RBP2: variants seen among roughly 807,000 people sequenced by gnomAD.
The protein encoded by RBP2 is retinol-binding protein 2.
Under a neutral mutation model 17.0 loss-of-function variants are expected in RBP2, and 17 were observed. The ratio of observed to expected loss-of-function variants is 1.00; its 90% confidence interval spans 0.68 to 1.50. RBP2 has a LOEUF of 1.50. RBP2 is among the 40% of genes most tolerant of loss of function. RBP2 has a pLI of 0.00. For missense variants in RBP2, 158 were observed against 168.2 expected (o/e 0.94, Z 0.33); for synonymous variants, 48 against 57.1 (o/e 0.84, Z 0.72).
intron 1 of RBP2, among the ~76,000 whole-genome samples, chr3:139,474,844 A>G (rs1376393095): frequency 6.6e-6 from 1 of 152,284 alleles, no homozygotes; most frequent in East Asian, 1.9e-4. Context: ...ACCCATGTGT[A>G]GTATCAGAAT....
intron 1 of RBP2, among the ~76,000 whole-genome samples, chr3:139,472,475 G>A (rs1188041166): frequency 2.6e-5 from 4 of 152,150 alleles, no homozygotes; most frequent in Non-Finnish European, 4.4e-5. Context: ...CTGAAGCTGG[G>A]TCATAAAAGG....
At chr3:139,459,098 A>G (rs1394366413) in intron 2 of RBP2, among the ~76,000 whole-genome samples, 4 of 152,066 alleles carry the variant, frequency 2.6e-5, no homozygotes, top group Non-Finnish European at 4.4e-5. Context: ...CCGAGTGGGG[A>G]GATTTCCAGA....
chr3:139,475,932 G>C lies in RBP2; in HGVS notation c.73+455C>G, dbSNP rs999470303. On this transcript the variant is annotated intron_variant, in intron 1 of 3. Transcript: ENST00000232217. ...CTTCCATGAGCTTGATTTTCCCTAG[G>C]CTGAGAGATTTGCTAGCTATTTCTT... 2.6e-5 allele frequency among the ~76,000 whole-genome samples: 4 copies of C among 152,152 alleles called. No homozygotes were observed. In the East Asian group the frequency reaches 7.7e-4, roughly 29 times the overall value.
At chr3:139,460,447 G>A (rs1933148217) in intron 2 of RBP2, among the ~76,000 whole-genome samples, 1 of 152,186 alleles carries the variant, frequency 6.6e-6, no homozygotes, top group South Asian at 2.1e-4. Flanking sequence ...TGACTTGATG[G>A]CTGAGATTAT....
chr3:139,467,477 A>G (rs1257022539), intron 1 of RBP2, among the ~76,000 whole-genome samples: 2 of 152,192 alleles, frequency 1.3e-5, no homozygotes, highest in African/African-American at 2.4e-5. Flanking sequence ...ATAAATGAGT[A>G]AGGGTAAGGG....
chr3:139,468,056 T>C (rs1381965975), intron 1 of RBP2, among the ~76,000 whole-genome samples: 2 of 152,184 alleles, frequency 1.3e-5, no homozygotes, highest in East Asian at 1.9e-4. Flanking sequence ...AGAAAAACCA[T>C]AGGTCATCTG....
intron 2 of RBP2, among the ~76,000 whole-genome samples, chr3:139,457,596 C>T (rs1576420109): frequency 6.6e-6 from 1 of 152,266 alleles, no homozygotes; most frequent in South Asian, 2.1e-4. Flanking sequence ...TAGCCTTACT[C>T]CTATATAAAA....
intron 1 of RBP2, among the ~76,000 whole-genome samples, chr3:139,475,204 C>T (rs1242507779): frequency 6.6e-6 from 1 of 151,506 alleles, no homozygotes; most frequent in African/African-American, 2.4e-5. Flanking sequence ...CCTGTAGTCC[C>T]AGCTACTCTG....
In RBP2 at chr3:139,462,167, G is replaced by T; in HGVS notation, c.197C>A (p.Thr66Asn). ...GTACTCGTCAAACTCTACTCCAACA[G>T]TGAAATCCACATCATAGTTGCGGAA... is the stretch of plus-strand genomic sequence containing the variant. ...STFRNYDVDF[T>N]VGVEFDEYTK... is the part of the protein sequence containing the mutation. The change falls in exon 2 of 4, where the codon ACT becomes AAT. Residue 66 changes from threonine to asparagine, a missense_variant. By Grantham distance (65) the Thr-to-Asn change is moderately conservative (BLOSUM62 0). Transcript: ENST00000232217. 6.2e-7 allele frequency: 1 copy of T among 1,614,138 alleles called. No individual in the cohort carries two copies. The highest frequency in any genetic ancestry group is 8.5e-7 in the Non-Finnish European group (1 of 1,180,014).
At chr3:139,459,498 CT>C (rs1933112053) in intron 2 of RBP2, among the ~76,000 whole-genome samples, 1 of 148,526 alleles carries the variant, frequency 6.7e-6, no homozygotes, top group East Asian at 2.0e-4. Context: ...TGGCGCACGC[CT>C]GTAATCCCAG....
chr3:139,476,081 C>G (rs1264469741), intron 1 of RBP2, among the ~76,000 whole-genome samples: 1 of 152,106 alleles, frequency 6.6e-6, no homozygotes, highest in Non-Finnish European at 1.5e-5. Flanking sequence ...GTGTTATCCT[C>G]TCAAGTTTGG....
In RBP2 at chr3:139,453,186, G is replaced by A. The variant is rs774876722; in HGVS notation, c.355-20C>T. 10 of 1,613,932 alleles carry A rather than the reference G, an allele frequency of 6.2e-6. No homozygotes were observed. The highest frequency in any genetic ancestry group is 1.3e-5 in the African/African-American group (1 of 74,934). On this transcript the variant is annotated intron_variant, in intron 3 of 3. Coordinates refer to ENST00000232217, the MANE Select transcript of RBP2 (RefSeq NM_004164.3). ...CAGCTCCTGCAACGTCAGAAAGTGG[G>A]TGAGGGTCTAACAAGCCAGGCCTTT...
chr3:139,459,650 A>G (rs1331712338), intron 2 of RBP2, among the ~76,000 whole-genome samples: 1 of 151,114 alleles, frequency 6.6e-6, no homozygotes. Context: ...GAAATTAATC[A>G]GAGAAAGAGA....
At chr3:139,459,703 G>C (rs772456463) in intron 2 of RBP2, among the ~76,000 whole-genome samples, 17 of 151,908 alleles carry the variant, frequency 1.1e-4, no homozygotes, top group Non-Finnish European at 2.4e-4. Flanking sequence ...AAGGGTTCCA[G>C]TGAAGTTACA....
chr3:139,459,928 C>G (rs1241633135), intron 2 of RBP2, among the ~76,000 whole-genome samples: 1 of 151,914 alleles, frequency 6.6e-6, no homozygotes, highest in Non-Finnish European at 1.5e-5. Flanking sequence ...TCTCTTTCTG[C>G]AGGGCTAACT....
chr3:139,455,342 A>G (rs1352316679), intron 2 of RBP2, among the ~76,000 whole-genome samples: 1 of 152,238 alleles, frequency 6.6e-6, no homozygotes, highest in African/African-American at 2.4e-5. Flanking sequence ...GAGCCCTAGC[A>G]GATGGCTTCT....
At position 139,454,797 on chromosome 3, in the gene RBP2, A is replaced by G; in HGVS notation, c.286T>C (p.Cys96Arg). The change falls in exon 3 of 4, where the codon TGT becomes CGT. Residue 96 changes from cysteine to arginine, a missense_variant. Physicochemically the swap from Cys to Arg is radical, Grantham distance 180 (BLOSUM62 -3). Coordinates refer to ENST00000232217, the MANE Select transcript of RBP2 (RefSeq NM_004164.3). ...LVTWEGDVLV[C>R]VQKGEKENRG... is the part of the protein sequence containing the mutation. ...TTCTCCTTCTCCCCCTTTTGCACAC[A>G]CACAAGGACATCACCTTCCCAGGTG... 5 of 1,614,162 alleles carry G rather than the reference A, an allele frequency of 3.1e-6. No individual in the cohort carries two copies. Among genetic ancestry groups the G allele is most frequent in the Non-Finnish European group, 4.2e-6 (5 of 1,180,010 alleles).
rs1408508837 is a variant in RBP2 at position 139,463,742 on chromosome 3, C to G, written c.74-1452G>C. Among the ~76,000 whole-genome samples the G allele has an allele frequency of 2.0e-5, 3 of 152,138 alleles. No homozygotes were observed. The East Asian group carries it at 5.8e-4, about 29-fold the overall frequency. On this transcript the variant is annotated intron_variant, in intron 1 of 3. Coordinates refer to ENST00000232217, the MANE Select transcript of RBP2 (RefSeq NM_004164.3). Reference sequence around the variant, plus strand: ...TTGCTATGAAATCATCACTCTTGGTCTTTAGTCAAATATCTGATTCCCATT... The same window carrying G: ...TTGCTATGAAATCATCACTCTTGGTGTTTAGTCAAATATCTGATTCCCATT...
At chr3:139,467,928 C>G (rs1161561062) in intron 1 of RBP2, among the ~76,000 whole-genome samples, 1 of 151,916 alleles carries the variant, frequency 6.6e-6, no homozygotes, top group Non-Finnish European at 1.5e-5. Flanking sequence ...GGATCAGTTT[C>G]CTCGCTCTAT....
Sources: allele counts gnomAD v4.1 joint callset (sites outside exome capture counted in the v4.1 genomes callset), GRCh38; gene constraint gnomAD v4.1.1; transcripts MANE v1.5; gene names NCBI Gene and HGNC (gene_info 2026-07-23, HGNC 2026-07-21).